Variants in DGKB observed in about 807,000 individuals in gnomAD.
DGKB encodes the protein 90 kDa diacylglycerol kinase.
In DGKB, 67 loss-of-function variants were observed where a neutral mutation model predicts 114.3. The ratio of observed to expected loss-of-function variants is 0.59; its 90% CI spans 0.48 to 0.72. The LOEUF (loss-of-function observed/expected upper bound fraction) is 0.72. Ranked by LOEUF, DGKB falls within the 30% of genes least tolerant of loss-of-function variation. The probability of loss-of-function intolerance (pLI) is 0.00; values close to 1 mark genes in which losing one functional copy is unlikely to be tolerated. For synonymous variants in DGKB, 398 were observed against 323.1 expected (o/e 1.23, Z -2.49); for missense variants, 907 against 975.2 (o/e 0.93, Z 0.93).
At chr7:14,581,128 G>A (rs781567149) in intron 18 of DGKB, among the ~76,000 whole-genome samples, 177 bp from the exon 19 acceptor site, 3 of 152,150 alleles carry the variant, frequency 2.0e-5, no homozygotes, top group Non-Finnish European at 4.4e-5. Flanking sequence ...GTATACATTT[G>A]TAGCAATTGA....
intron 20 of DGKB, among the ~76,000 whole-genome samples, chr7:14,556,650 G>A (rs1308263003): frequency 6.6e-6 from 1 of 152,030 alleles, no homozygotes; most frequent in Non-Finnish European, 1.5e-5. Context: ...ACAAATAATT[G>A]TAGTAATATT....
intron 2 of DGKB, among the ~76,000 whole-genome samples, chr7:14,803,487 T>G (rs1842430928): frequency 6.6e-6 from 1 of 152,210 alleles, no homozygotes; most frequent in Non-Finnish European, 1.5e-5. Flanking sequence ...ACCATTATTT[T>G]ACTTTTACCT....
chr7:14,813,622 CTG>C (rs1843714441), intron 2 of DGKB, among the ~76,000 whole-genome samples: 1 of 152,270 alleles, frequency 6.6e-6, no homozygotes, highest in South Asian at 2.1e-4. Flanking sequence ...CAAAATTAAA[CTG>C]TATGCCATTT....
intron 1 of DGKB, among the ~76,000 whole-genome samples, chr7:14,919,930 A>T (rs1784434500): frequency 6.6e-6 from 1 of 152,140 alleles, no homozygotes; most frequent in Non-Finnish European, 1.5e-5. Flanking sequence ...CGCCAGAAGT[A>T]GATGCCAGCA....
intron 13 of DGKB, among the ~76,000 whole-genome samples, chr7:14,654,140 A>C (rs1168586842): frequency 6.6e-6 from 1 of 152,072 alleles, no homozygotes; most frequent in African/African-American, 2.4e-5. Context: ...AAAAACCTGA[A>C]GACTTCACAA....
intron 13 of DGKB, among the ~76,000 whole-genome samples, chr7:14,664,164 C>G (rs1035818167): frequency 2.6e-5 from 4 of 151,980 alleles, no homozygotes; most frequent in Admixed American, 2.6e-4. Flanking sequence ...TAATGAACTT[C>G]CCCTGCACAT....
chr7:14,159,682 T>G (rs1783564845), intron 25 of DGKB, among the ~76,000 whole-genome samples: 1 of 152,204 alleles, frequency 6.6e-6, no homozygotes, highest in Non-Finnish European at 1.5e-5. Flanking sequence ...TGATATTCTT[T>G]TTTTGAGATG....
chr7:14,711,187 C>T (rs544322040), intron 6 of DGKB, among the ~76,000 whole-genome samples: 22 of 152,024 alleles, frequency 1.4e-4, no homozygotes, highest in African/African-American at 3.6e-4. Context: ...TTCCTAAACA[C>T]ATTAACAAGA....
intron 23 of DGKB, among the ~76,000 whole-genome samples, chr7:14,207,334 G>C (rs1290667373): frequency 2.0e-5 from 3 of 152,068 alleles, no homozygotes; most frequent in African/African-American, 7.2e-5. Flanking sequence ...CGGGTGCATT[G>C]GTGTGAGATG....
chr7:14,260,850 A>G (rs1409436250), intron 23 of DGKB, among the ~76,000 whole-genome samples: 2 of 152,218 alleles, frequency 1.3e-5, no homozygotes, highest in Admixed American at 1.3e-4. Flanking sequence ...TACATCTACA[A>G]AAAGCTAATT....
At chr7:14,376,684 C>T (rs1425162999) in intron 21 of DGKB, among the ~76,000 whole-genome samples, 2 of 152,126 alleles carry the variant, frequency 1.3e-5, no homozygotes, top group Non-Finnish European at 2.9e-5. Context: ...CATGACTCCC[C>T]CCAGCCCCTT....
At chr7:14,363,831 C>G (rs1490240378) in intron 21 of DGKB, among the ~76,000 whole-genome samples, 1 of 151,484 alleles carries the variant, frequency 6.6e-6, no homozygotes, top group Admixed American at 6.6e-5. Flanking sequence ...AGGCTTCTTT[C>G]ATATCTACAC....
intron 21 of DGKB, among the ~76,000 whole-genome samples, chr7:14,414,637 T>G (rs939845042): frequency 1.3e-5 from 2 of 152,138 alleles, no homozygotes; most frequent in Non-Finnish European, 2.9e-5. Context: ...AGAATAGGTA[T>G]GCTGTAAGAA....
chr7:14,966,963 A>AT (rs1787192460), intron 1 of DGKB, among the ~76,000 whole-genome samples: 1 of 152,182 alleles, frequency 6.6e-6, no homozygotes, highest in Non-Finnish European at 1.5e-5. Context: ...ATTATGCATG[A>AT]ATTGTACATT....
At chr7:14,551,704 T>A (rs1427377847) in intron 20 of DGKB, among the ~76,000 whole-genome samples, 1 of 152,110 alleles carries the variant, frequency 6.6e-6, no homozygotes, top group Non-Finnish European at 1.5e-5. Flanking sequence ...CTCAGAGACA[T>A]AAGAGGTGGG....
chr7:14,755,243 T>C (rs949946282), intron 3 of DGKB, among the ~76,000 whole-genome samples: 1 of 152,102 alleles, frequency 6.6e-6, no homozygotes. Context: ...ATACTTAATA[T>C]TTTTTCTCTA....
chr7:14,603,572 A>T (rs951728802), intron 17 of DGKB, among the ~76,000 whole-genome samples: 1 of 152,110 alleles, frequency 6.6e-6, no homozygotes, highest in Non-Finnish European at 1.5e-5. Context: ...ATTTATTTTA[A>T]TAGGAGAATA....
At chr7:14,946,658 T>TG (rs909430730) in intron 1 of DGKB, among the ~76,000 whole-genome samples, 6 of 151,634 alleles carry the variant, frequency 4.0e-5, no homozygotes, top group African/African-American at 1.5e-4. Flanking sequence ...ATTATATGAG[T>TG]GGGAAACAAG....
chr7:14,668,886 G>T (rs183257612), intron 13 of DGKB, among the ~76,000 whole-genome samples: 180 of 152,188 alleles, frequency 1.2e-3, no homozygotes, highest in Admixed American at 2.9e-3. Context: ...TGAAGACTGG[G>T]CTGTGCCTAT....
Sources: gnomAD v4.1 joint callset for allele counts (sites outside exome capture counted in the v4.1 genomes callset) on GRCh38, gnomAD v4.1.1 for gene constraint, MANE v1.5 for transcripts, NCBI Gene and HGNC (gene_info 2026-07-23, HGNC 2026-07-21) for gene names.